The following PRDM13 variants were observed in gnomAD, a reference collection of about 807,000 sequenced individuals.
PRDM13 encodes PR domain zinc finger protein 13.
Under a neutral mutation model 36.4 loss-of-function variants are expected in PRDM13, and 15 were observed. That is an observed-to-expected ratio of 0.41 (90% CI 0.28 to 0.64). The LOEUF (loss-of-function observed/expected upper bound fraction) is 0.64, where lower values mean the gene tolerates loss of function less well. Among genes scored for constraint, PRDM13 ranks in the 30% least tolerant of loss-of-function variants. The pLI is 0.29. For missense variants in PRDM13, 1,044 were observed against 1,013.5 expected, an observed-to-expected ratio of 1.03 and a Z score of -0.41; for synonymous variants, 531 against 467.7, an observed-to-expected ratio of 1.14 and a Z score of -1.75.
intron 2 of PRDM13, 94 bp downstream of exon 2, chr6:99,608,966 G>T: frequency 6.7e-7 from 1 of 1,494,978 alleles, no homozygotes; most frequent in Non-Finnish European, 9.0e-7. Context: ...TAAGAGCAAA[G>T]TACTTTAGCT....
At chr6:99,609,098 AG>A (rs1475026048) in intron 2 of PRDM13, 88 bp from the exon 3 acceptor site, 2 of 1,500,170 alleles carry the variant, frequency 1.3e-6, no homozygotes, top group Non-Finnish European at 1.8e-6. Flanking sequence ...ACACAGCATC[AG>A]AATCCGGATT....
Position 99,613,103 on chromosome 6 carries a change from G to A in PRDM13, c.468G>A (p.Leu156=), listed in dbSNP as rs1770055331. 1 of 1,613,782 alleles carries A rather than the reference G, an allele frequency of 6.2e-7. No individual in the cohort carries two copies. Among genetic ancestry groups the A allele is most frequent in the Non-Finnish European group, 8.5e-7 (1 of 1,180,018 alleles). The change falls in exon 4 of 4, where the codon CTG becomes CTA. Residue 156 remains leucine, a synonymous_variant. Coordinates refer to ENST00000369215, the MANE Select transcript of PRDM13 (RefSeq NM_021620.4). The surrounding 1 kb of genome is among the most constrained non-coding windows in gnomAD (Gnocchi z 6.1). ...FRYPNSLKAH[L]RFHCVFSGGG... Reference sequence around the variant, plus strand: ...ACCCCAACAGCCTTAAGGCACACCTGCGTTTCCACTGCGTGTTCAGCGGCG... The same window carrying A: ...ACCCCAACAGCCTTAAGGCACACCTACGTTTCCACTGCGTGTTCAGCGGCG...
In PRDM13 at chr6:99,613,588, G is replaced by A; in HGVS notation, c.953G>A (p.Ser318Asn). ...GACCCCTACCGGGAGGAGAGCAGCAGCAAGCAAGGAGCCGGCCTCGCTTTG... is the reference window on the plus strand; with the variant it reads ...GACCCCTACCGGGAGGAGAGCAGCAACAAGCAAGGAGCCGGCCTCGCTTTG... ...HGDPYREESS[S>N]KQGAGLALGR... Residue 318 changes from serine to asparagine, a missense_variant, in exon 4 of 4, where the codon AGC becomes AAC. By Grantham distance (46) the Ser-to-Asn change is conservative. Transcript: ENST00000369215. This position sits in a 1 kb window ranked among gnomAD's most constrained non-coding sequence, Gnocchi z 6.1. The A allele has an allele frequency of 6.7e-7, 1 of 1,498,760 alleles. No individual in the cohort carries two copies. The allele number at this position is 1,498,760 out of a possible 1,614,324, so 92.8% of individuals were successfully genotyped here.
chr6:99,608,025 G>A (rs1769974934), intron 1 of PRDM13, among the ~76,000 whole-genome samples: 1 of 152,212 alleles, frequency 6.6e-6, no homozygotes, highest in Non-Finnish European at 1.5e-5. Context: ...TAGAAGAAAG[G>A]ACTTTGGCTT....
Position 99,614,224 on chromosome 6 carries a change from C to A in PRDM13, c.1589C>A (p.Ser530Tyr), listed in dbSNP as rs1472922917. 3.7e-6 allele frequency: 6 copies of A among 1,608,950 alleles called. No homozygotes were observed. The African/African-American group carries it at 8.0e-5, about 21-fold the overall frequency. Residue 530 changes from serine (S) to tyrosine (Y), a missense_variant, in exon 4 of 4, where the codon TCC becomes TAC. This residue lies in a region of PRDM13 where 921 missense variants were observed against 865.2 expected (regional missense o/e 1.06). Transcript: ENST00000369215. The part of the protein sequence containing the change: ...REIAMHNQQL[S>Y]EMAAGKGRGR... ...ATCGCCATGCACAATCAGCAGCTGT[C>A]CGAGATGGCTGCCGGGAAGGGTCGC...
Position 99,613,952 on chromosome 6 carries a change from C to T in PRDM13, c.1317C>T (p.Leu439=). The T allele has an allele frequency of 6.3e-7, 1 of 1,591,378 alleles. No individual in the cohort carries two copies. The highest frequency in any genetic ancestry group is 8.5e-7 in the Non-Finnish European group (1 of 1,172,484). The stretch of plus-strand genomic sequence containing the variant: ...TCGAGCGCTGCGCGCTGCCGCCCCT[C>T]GACCCGGGCGGTCTCAAAGCCTATC... The part of the protein sequence containing the change: ...LPLERCALPP[L]DPGGLKAYPG... Residue 439 remains leucine (L), a synonymous_variant, in exon 4 of 4, where the codon CTC becomes CTT. Coordinates refer to ENST00000369215, the MANE Select transcript of PRDM13 (RefSeq NM_021620.4). The surrounding 1 kb of genome is among the most constrained non-coding windows in gnomAD (Gnocchi z 6.1).
chr6:99,608,707 G>T (rs750890997), intron 1 of PRDM13, 34 bp from the exon 2 acceptor site: 2 of 1,583,996 alleles, frequency 1.3e-6, no homozygotes, highest in Non-Finnish European at 1.7e-6. Context: ...CCTGGCCAAG[G>T]TGCGGGGGAG....
Position 99,615,409 on chromosome 6 carries a change from G to A in PRDM13, c.*650G>A, listed in dbSNP as rs891261764. On this transcript the variant is annotated 3_prime_UTR_variant, in exon 4 of 4. Coordinates refer to ENST00000369215, the MANE Select transcript of PRDM13 (RefSeq NM_021620.4). Reference sequence around the variant, plus strand: ...AAATATCTAAAGCATGAATCTAAGAGCACGCAATATATAATTTTAAAGAAA... The same window carrying A: ...AAATATCTAAAGCATGAATCTAAGAACACGCAATATATAATTTTAAAGAAA... 4 of 152,724 alleles carry A rather than the reference G, an allele frequency of 2.6e-5. No individual in the cohort carries two copies. Among genetic ancestry groups the A allele is most frequent in the African/African-American group, 9.6e-5 (4 of 41,458 alleles). 9.5% of individuals were successfully genotyped at this position (152,724 alleles called of 1,614,324 possible).
At position 99,613,925 on chromosome 6, in the gene PRDM13, C is replaced by G. The variant is rs889594679; in HGVS notation, c.1290C>G (p.Pro430=). ...YAQLPPAPGL[P]LERCALPPLD... is the part of the protein sequence containing the mutation. Reference sequence around the variant, plus strand: ...AGCTGCCCCCTGCGCCGGGGTTGCCCCTCGAGCGCTGCGCGCTGCCGCCCC... The same window carrying G: ...AGCTGCCCCCTGCGCCGGGGTTGCCGCTCGAGCGCTGCGCGCTGCCGCCCC... The change falls in exon 4 of 4, where the codon CCC becomes CCG. Residue 430 remains proline, a synonymous_variant. Coordinates refer to ENST00000369215, the MANE Select transcript of PRDM13 (RefSeq NM_021620.4). The surrounding 1 kb of genome is among the most constrained non-coding windows in gnomAD (Gnocchi z 6.1). 6 of 1,586,794 alleles carry G rather than the reference C, an allele frequency of 3.8e-6. No individual in the cohort carries two copies. The highest frequency in any genetic ancestry group is 5.1e-6 in the Non-Finnish European group (6 of 1,171,116).
rs765051633 is a variant in PRDM13, at chr6:99,614,113, C to T, written c.1478C>T (p.Pro493Leu). ...CACTTCGGCGGGCTGCTGAAGTATC[C>T]GGAGTCCATCTCCTACTTCAGCGGG... The part of the protein sequence containing the change: ...KLHFGGLLKY[P>L]ESISYFSGPA... The change falls in exon 4 of 4, where the codon CCG becomes CTG. Residue 493 changes from proline (P) to leucine (L), a missense_variant. Physicochemically the swap from Pro to Leu is moderately conservative, Grantham distance 98 (BLOSUM62 -3). Around this residue, in one of 3 missense-constraint regions of PRDM13, gnomAD observed 921 missense variants for 865.2 expected, o/e 1.06. Transcript: ENST00000369215. The T allele has an allele frequency of 6.3e-7, 1 of 1,599,706 alleles. No homozygotes were observed. The highest frequency in any genetic ancestry group is 8.5e-7 in the Non-Finnish European group (1 of 1,174,618).
chr6:99,614,283 G>A lies in PRDM13; in HGVS notation c.1648G>A (p.Val550Ile). The A allele has an allele frequency of 1.2e-6, 2 of 1,606,110 alleles. No individual in the cohort carries two copies. Among genetic ancestry groups the A allele is most frequent in the South Asian group, 2.2e-5 (2 of 90,580 alleles). Residue 550 changes from valine to isoleucine, a missense_variant, in exon 4 of 4, where the codon GTC (valine) becomes ATC (isoleucine). By Grantham distance (29) the Val-to-Ile change is conservative. This residue lies in a region of PRDM13 where 921 missense variants were observed against 865.2 expected (regional missense o/e 1.06). Coordinates refer to ENST00000369215, the MANE Select transcript of PRDM13 (RefSeq NM_021620.4). Reference protein sequence around the residue: ...RLDSGTLPPAVAAAGGTGGGG... With the variant: ...RLDSGTLPPAIAAAGGTGGGG... ...GGACTCGGGGACGTTGCCACCGGCCGTCGCGGCGGCGGGAGGCACCGGGGG... is the reference window on the plus strand; with the variant it reads ...GGACTCGGGGACGTTGCCACCGGCCATCGCGGCGGCGGGAGGCACCGGGGG...
At position 99,614,549 on chromosome 6, in the gene PRDM13, A is replaced by C. The variant is rs772039190; in HGVS notation, c.1914A>C (p.Val638=). The change falls in exon 4 of 4, where the codon GTA becomes GTC. Residue 638 remains valine, a synonymous_variant. Transcript: ENST00000369215. ...TPYRCEFCGK[V]LVRRRDLERH... ...ACCGCTGCGAGTTCTGCGGCAAGGTACTTGTGCGCCGCCGGGACCTGGAGC... is the reference window on the plus strand; with the variant it reads ...ACCGCTGCGAGTTCTGCGGCAAGGTCCTTGTGCGCCGCCGGGACCTGGAGC... The C allele has an allele frequency of 1.2e-6, 2 of 1,612,966 alleles. No homozygotes were observed. Among genetic ancestry groups the C allele is most frequent in the Non-Finnish European group, 1.7e-6 (2 of 1,179,938 alleles).
intron 3 of PRDM13, among the ~76,000 whole-genome samples, chr6:99,611,341 G>A (rs187915677): frequency 1.2e-4 from 19 of 152,064 alleles, no homozygotes; most frequent in African/African-American, 4.6e-4. Context: ...TCTTTCAAAA[G>A]GGGTGATGAG....
At chr6:99,611,317 C>T (rs997369617) in intron 3 of PRDM13, among the ~76,000 whole-genome samples, 1 of 151,992 alleles carries the variant, frequency 6.6e-6, no homozygotes, top group Admixed American at 6.5e-5. Flanking sequence ...CTGCGGCAGA[C>T]TCTGAAAACT....
rs769761128 is a variant in PRDM13, at chr6:99,607,229, G to T, written c.144+51G>T. On this transcript the variant is annotated intron_variant, in intron 1 of 3. Coordinates refer to ENST00000369215, the MANE Select transcript of PRDM13 (RefSeq NM_021620.4). ...ACTGCCATTCGCCTCTCAGTGCCCT[G>T]ACCCGGGAAAGGGGTACGAGAGAAA... 5.0e-6 allele frequency: 8 copies of T among 1,599,218 alleles called. No individual in the cohort carries two copies. In the South Asian group the frequency reaches 8.9e-5, roughly 18 times the overall value.
chr6:99,614,287 C>T lies in PRDM13; in HGVS notation c.1652C>T (p.Ala551Val). The T allele has an allele frequency of 1.9e-6, 3 of 1,605,548 alleles. No individual in the cohort carries two copies. Among genetic ancestry groups the T allele is most frequent in the Non-Finnish European group, 2.6e-6 (3 of 1,176,436 alleles). Reference sequence around the variant, plus strand: ...TCGGGGACGTTGCCACCGGCCGTCGCGGCGGCGGGAGGCACCGGGGGCGGC... The same window carrying T: ...TCGGGGACGTTGCCACCGGCCGTCGTGGCGGCGGGAGGCACCGGGGGCGGC... ...LDSGTLPPAVAAAGGTGGGGS... is the reference protein window; with the variant it reads ...LDSGTLPPAVVAAGGTGGGGS... The change falls in exon 4 of 4, where the codon GCG becomes GTG. Residue 551 changes from alanine (A) to valine (V), a missense_variant. This residue lies in a region of PRDM13 where 921 missense variants were observed against 865.2 expected (regional missense o/e 1.06). Coordinates refer to ENST00000369215, the MANE Select transcript of PRDM13 (RefSeq NM_021620.4).
chr6:99,607,275 A>G, intron 1 of PRDM13, 97 bp downstream of exon 1: 3 of 1,514,172 alleles, frequency 2.0e-6, no homozygotes, highest in Non-Finnish European at 2.7e-6. Context: ...GGAGTGATTG[A>G]GTCGTTACCT....
At position 99,614,608 on chromosome 6, in the gene PRDM13, T is replaced by C; in HGVS notation, c.1973T>C (p.Leu658Pro). The change falls in exon 4 of 4, where the codon CTG becomes CCG. Residue 658 changes from leucine to proline, a missense_variant. Coordinates refer to ENST00000369215, the MANE Select transcript of PRDM13 (RefSeq NM_021620.4). ...HVKSRHPGQS[L>P]LAKAGDGPGA... ...AAGTCCCGCCACCCTGGCCAGAGTCTGCTCGCCAAAGCGGGCGACGGCCCG... is the reference window on the plus strand; with the variant it reads ...AAGTCCCGCCACCCTGGCCAGAGTCCGCTCGCCAAAGCGGGCGACGGCCCG... 6.2e-7 allele frequency: 1 copy of C among 1,612,628 alleles called. No individual in the cohort carries two copies. The highest frequency in any genetic ancestry group is 1.3e-5 in the African/African-American group (1 of 75,046).
Position 99,613,628 on chromosome 6 carries a change from CG to C in PRDM13, c.998del (p.Gly333AlafsTer158), listed in dbSNP as rs1385064175. The C allele has an allele frequency of 1.4e-6, 2 of 1,453,844 alleles. No homozygotes were observed. Among genetic ancestry groups the C allele is most frequent in the South Asian group, 1.4e-5 (1 of 72,322 alleles). 90.1% of individuals were successfully genotyped at this position (1,453,844 alleles called of 1,614,324 possible). A position where few individuals can be genotyped will look rare whatever the true frequency, so the allele number is the denominator to read the frequency against. Reference sequence around the variant, plus strand: ...GCCTCGCTTTGGGCAGGCTGCTGGGCGGGGGCCGGGCGTGCGGGCGCCCCGG... The same window carrying C: ...GCCTCGCTTTGGGCAGGCTGCTGGGCGGGGCCGGGCGTGCGGGCGCCCCGG... ...AGLALGRLLGGGRACGRPGSG... is the reference protein window; with the variant it reads ...AGLALGRLLGXGRACGRPGSG... On this transcript the variant is annotated frameshift_variant, in exon 4 of 4. Transcript: ENST00000369215. LOFTEE classifies it high-confidence loss of function. The surrounding 1 kb of genome is among the most constrained non-coding windows in gnomAD (Gnocchi z 6.1).
Sources: allele counts gnomAD v4.1 joint callset (sites outside exome capture counted in the v4.1 genomes callset), GRCh38; gene constraint gnomAD v4.1.1; regional missense constraint gnomAD v4.1.1; non-coding constraint Gnocchi (gnomAD v3.1); transcripts MANE v1.5; gene names NCBI Gene and HGNC (gene_info 2026-07-23, HGNC 2026-07-21).